The following UGT1A5 variants were observed in gnomAD, a reference collection of about 807,000 sequenced individuals.
The protein encoded by UGT1A5 is UDP-glucuronosyltransferase 1A5.
In UGT1A5, 29 loss-of-function variants were observed where a neutral mutation model predicts 40.3. The observed-to-expected ratio is 0.72, with a 90% CI of 0.54 to 0.98. The LOEUF (loss-of-function observed/expected upper bound fraction) is 0.98, where lower values mean the gene tolerates loss of function less well. Among genes scored for constraint, UGT1A5 ranks in the 50% least tolerant of loss-of-function variants. The pLI, the probability that UGT1A5 is intolerant of heterozygous loss-of-function variation, is 0.00. For missense variants in UGT1A5, 678 were observed against 677.9 expected, an observed-to-expected ratio of 1.00 and a Z score of 0.00; for synonymous variants, 257 against 262.5, an observed-to-expected ratio of 0.98 and a Z score of 0.20.
chr2:233,713,830 A>G lies in UGT1A5; in HGVS notation c.839A>G (p.Asn280Ser), dbSNP rs1248419431. 3 of 1,613,954 alleles carry G rather than the reference A, an allele frequency of 1.9e-6. No individual in the cohort carries two copies. The highest frequency in any genetic ancestry group is 1.3e-5 in the African/African-American group (1 of 74,912). ...AACATGGTCTTCATTGGGGGCATCA[A>G]CTGTGCCAACGGGAAGCCACTATCT... ...MPNMVFIGGI[N>S]CANGKPLSQE... Residue 280 changes from asparagine to serine, a missense_variant, in exon 1 of 5, where the codon AAC becomes AGC. Physicochemically the swap from Asn to Ser is conservative, Grantham distance 46. Coordinates refer to ENST00000373414, the MANE Select transcript of UGT1A5 (RefSeq NM_019078.2).
At chr2:233,759,581 G>A (rs1697180205) in intron 1 of UGT1A5, among the ~76,000 whole-genome samples, 2 of 151,312 alleles carry the variant, frequency 1.3e-5, no homozygotes, top group Admixed American at 6.6e-5. Context: ...CTCTACCCCA[G>A]CACGCCCCCC....
chr2:233,737,661 T>A (rs1326139467), intron 1 of UGT1A5, among the ~76,000 whole-genome samples: 2 of 152,214 alleles, frequency 1.3e-5, no homozygotes, highest in Non-Finnish European at 2.9e-5. Context: ...GAGCTGCAGA[T>A]CGGAGCTGTT....
Position 233,768,314 on chromosome 2 carries a change from G to GT in UGT1A5, c.1185dup (p.Gly396TrpfsTer2). 1 of 1,614,180 alleles carries GT rather than the reference G, an allele frequency of 6.2e-7. No individual in the cohort carries two copies. Among genetic ancestry groups the GT allele is most frequent in the Non-Finnish European group, 8.5e-7 (1 of 1,180,040 alleles). ...GCGTTCCCATGGTGATGATGCCCTTGTTTGGTGATCAGATGGACAATGCAA... is the reference window on the plus strand; with the variant it reads ...GCGTTCCCATGGTGATGATGCCCTTGTTTTGGTGATCAGATGGACAATGCAA... On this transcript the variant is annotated frameshift_variant, in exon 4 of 5. Transcript: ENST00000373414. LOFTEE classifies it high-confidence loss of function.
At chr2:233,743,564 G>A (rs772866173) in intron 1 of UGT1A5, 83 of 1,367,154 alleles carry the variant, frequency 6.1e-5, no homozygotes, top group Non-Finnish European at 7.6e-5. Context: ...ATTCTCCAGC[G>A]GGTTTCCCAA....
chr2:233,718,694 G>C, intron 1 of UGT1A5: 1 of 1,591,628 alleles, frequency 6.3e-7, no homozygotes, highest in Non-Finnish European at 8.5e-7. Context: ...CTGGAGGAGG[G>C]CACTTTGTCT....
rs371746067 is a variant in UGT1A5, at chr2:233,749,430, ACT to A, written c.868-17603_868-17602del. On this transcript the variant is annotated intron_variant, in intron 1 of 4. Transcript: ENST00000373414. ...TGTTAACTACATTGCTCAAAACTTC[ACT>A]GTCATCTCAGTGGAGCAGAACGAAT... Among the ~76,000 whole-genome samples, 11 of 151,874 alleles carry A rather than the reference ACT, an allele frequency of 7.2e-5. No individual in the cohort carries two copies. In the East Asian group the frequency reaches 1.7e-3, roughly 24 times the overall value.
chr2:233,742,383 G>T (rs1224558474), intron 1 of UGT1A5, among the ~76,000 whole-genome samples: 1 of 151,994 alleles, frequency 6.6e-6, no homozygotes, highest in African/African-American at 2.4e-5. Flanking sequence ...AGGCACAGAT[G>T]GCTCATGTTA....
chr2:233,734,795 T>G (rs1470883191), intron 1 of UGT1A5, among the ~76,000 whole-genome samples: 1 of 152,214 alleles, frequency 6.6e-6, no homozygotes, highest in Non-Finnish European at 1.5e-5. Context: ...CAGGAGCAGG[T>G]TGTTCAGTTT....
Position 233,713,726 on chromosome 2 carries a change from G to A in UGT1A5, c.735G>A (p.Val245=), listed in dbSNP as rs1243333945. 1 of 1,613,960 alleles carries A rather than the reference G, an allele frequency of 6.2e-7. No individual in the cohort carries two copies. Among genetic ancestry groups the A allele is most frequent in the Non-Finnish European group, 8.5e-7 (1 of 1,179,898 alleles). ...ASELFQREVS[V]VDLVSHASVW... ...AGCTTTTTCAGAGAGAGGTGTCAGT[G>A]GTGGATCTTGTCAGCCATGCATCTG... The change falls in exon 1 of 5, where the codon GTG becomes GTA. Residue 245 remains valine, a synonymous_variant. Transcript: ENST00000373414.
At chr2:233,730,124 T>C in intron 1 of UGT1A5, 4 of 1,544,442 alleles carry the variant, frequency 2.6e-6, no homozygotes, top group East Asian at 2.4e-5. Flanking sequence ...CTTGTCATAA[T>C]AGCCTTCAGT....
intron 1 of UGT1A5, chr2:233,729,474 G>T: frequency 6.2e-7 from 1 of 1,614,208 alleles, no homozygotes. Context: ...GTATGGCAAT[G>T]TTGAACAATA....
At chr2:233,736,391 T>G (rs923297750) in intron 1 of UGT1A5, among the ~76,000 whole-genome samples, 3 of 152,222 alleles carry the variant, frequency 2.0e-5, no homozygotes, top group African/African-American at 7.2e-5. Flanking sequence ...CTACAGTGTT[T>G]ATTCTAGTTA....
chr2:233,734,099 A>G (rs1454975810), intron 1 of UGT1A5, among the ~76,000 whole-genome samples: 11 of 151,694 alleles, frequency 7.3e-5, no homozygotes, highest in African/African-American at 2.7e-4. Flanking sequence ...TAAAACTTAA[A>G]GTATAATAAT....
intron 1 of UGT1A5, among the ~76,000 whole-genome samples, chr2:233,718,526 C>T (rs942579588): frequency 5.3e-5 from 8 of 152,144 alleles, no homozygotes; most frequent in Non-Finnish European, 1.2e-4. Flanking sequence ...GTGTCCACAG[C>T]CTTGTGTTGG....
Position 233,768,222 on chromosome 2 carries a change from C to G in UGT1A5, c.1090C>G (p.His364Asp). 1 of 1,614,186 alleles carries G rather than the reference C, an allele frequency of 6.2e-7. No homozygotes were observed. Among genetic ancestry groups the G allele is most frequent in the Non-Finnish European group, 8.5e-7 (1 of 1,180,046 alleles). The change falls in exon 4 of 5, where the codon CAC becomes GAC. Residue 364 changes from histidine to aspartate, a missense_variant and splice_region_variant. His to Asp is a moderately conservative substitution (Grantham distance 81, BLOSUM62 -1). Coordinates refer to ENST00000373414, the MANE Select transcript of UGT1A5 (RefSeq NM_019078.2). ...ATCCTCCCTATTTTGCATCTCAGGT[C>G]ACCCGATGACCCGTGCCTTTATCAC... ...KWLPQNDLLG[H>D]PMTRAFITHA... is the part of the protein sequence containing the mutation.
In UGT1A5 at chr2:233,766,922, G is replaced by A. The variant is rs955173337; in HGVS notation, c.868-112G>A. The A allele has an allele frequency of 8.3e-6, 13 of 1,559,654 alleles. No individual in the cohort carries two copies. The Middle Eastern group carries it at 1.0e-3, about 123-fold the overall frequency. On this transcript the variant is annotated intron_variant, in intron 1 of 4. Transcript: ENST00000373414. ...TAATTTTTTACTCTATCTCAAACAC[G>A]CATGCCTTTAATCATAGTCTTAAGA...
In UGT1A5 at chr2:233,729,997, T is replaced by G; in HGVS notation, c.867+16139T>G. On this transcript the variant is annotated intron_variant, in intron 1 of 4. Transcript: ENST00000373414. ...CAACAGGAAGCCACTATCTCAGGTC[T>G]GTATTGGTGCCTTCATCCAATCAAT... is the stretch of plus-strand genomic sequence containing the variant. 3 of 1,614,024 alleles carry G rather than the reference T, an allele frequency of 1.9e-6. No individual in the cohort carries two copies. The South Asian group carries it at 3.3e-5, about 18-fold the overall frequency.
At chr2:233,757,220 A>C (rs1182388011) in intron 1 of UGT1A5, among the ~76,000 whole-genome samples, 1 of 147,936 alleles carries the variant, frequency 6.8e-6, no homozygotes, top group Non-Finnish European at 1.5e-5. Flanking sequence ...GCTGCTGACC[A>C]AGGTTCCAGA....
At chr2:233,761,494 C>T (rs1189997049) in intron 1 of UGT1A5, among the ~76,000 whole-genome samples, 1 of 152,234 alleles carries the variant, frequency 6.6e-6, no homozygotes, top group Non-Finnish European at 1.5e-5. Context: ...GCACCTTGCC[C>T]TGGATTCAGT....
Sources: gnomAD v4.1 joint callset for allele counts (sites outside exome capture counted in the v4.1 genomes callset) on GRCh38, gnomAD v4.1.1 for gene constraint, MANE v1.5 for transcripts, NCBI Gene and HGNC (gene_info 2026-07-23, HGNC 2026-07-21) for gene names.